CAST: variants seen among roughly 807,000 people sequenced by gnomAD.
CAST encodes MIR583 host.
Under a neutral mutation model 119.6 loss-of-function variants are expected in CAST, and 76 were observed. The ratio of observed to expected loss-of-function variants is 0.64; its 90% CI spans 0.53 to 0.77. The LOEUF (loss-of-function observed/expected upper bound fraction) is 0.77, where lower values mean the gene tolerates loss of function less well. Among genes scored for constraint, CAST ranks in the 30% least tolerant of loss-of-function variants. CAST has a pLI of 0.00. For missense variants in CAST, 953 were observed against 946.5 expected (o/e 1.01, Z -0.09); for synonymous variants, 319 against 331.6 (o/e 0.96, Z 0.41).
At chr5:96,226,680 A>G in the CAST span, among the ~76,000 whole-genome samples, 6,703 of 152,168 alleles carry the variant, frequency 0.044, 511 homozygotes, top group African/African-American at 0.15. Context: ...AAAAAAAATC[A>G]AATGTATTTT....
At chr5:96,482,090 T>C in the CAST span, among the ~76,000 whole-genome samples, 1 of 152,136 alleles carries the variant, frequency 6.6e-6, no homozygotes, top group Admixed American at 6.6e-5. Context: ...ACCCTTATGA[T>C]ATAATCTCTT....
At chr5:96,475,676 A>G in the CAST span, among the ~76,000 whole-genome samples, 2 of 152,204 alleles carry the variant, frequency 1.3e-5, no homozygotes, top group Non-Finnish European at 2.9e-5. Flanking sequence ...GTCCATGTGT[A>G]ACAAGCAGGG....
the CAST span, among the ~76,000 whole-genome samples, chr5:96,193,995 C>A: frequency 1.3e-5 from 2 of 151,958 alleles, no homozygotes; most frequent in Non-Finnish European, 2.9e-5. Flanking sequence ...GCAGGTTGAC[C>A]AATCATAGCT....
chr5:96,227,344 C>T, the CAST span, among the ~76,000 whole-genome samples: 2 of 152,198 alleles, frequency 1.3e-5, no homozygotes, highest in Non-Finnish European at 1.5e-5. Flanking sequence ...TAGCCTTTTA[C>T]ATCTTGAATT....
At chr5:96,533,297 C>A (rs1001367777) in intron 1 of CAST, among the ~76,000 whole-genome samples, 30 of 152,162 alleles carry the variant, frequency 2.0e-4, no homozygotes, top group Admixed American at 1.7e-3. Flanking sequence ...AACCTGGAAT[C>A]CTGAAAGCAA....
In CAST at chr5:96,635,643, CCTAT is replaced by C. The variant is rs1329831742; in HGVS notation, c.61-39892_61-39889del. Among the ~76,000 whole-genome samples, 5 of 152,196 alleles carry C rather than the reference CCTAT, an allele frequency of 3.3e-5. No homozygotes were observed. The East Asian group carries it at 5.8e-4, about 18-fold the overall frequency. ...TGTACTGAAGTATCTCTCATTGTGA[CCTAT>C]CTAAGCCCTGTGCATTTGTTCTGTC... On this transcript the variant is annotated intron_variant, in intron 1 of 11. Coordinates refer to the CAST transcript ENST00000505143.
chr5:96,573,249 G>A (rs1053594826), intron 1 of CAST, among the ~76,000 whole-genome samples: 10 of 152,034 alleles, frequency 6.6e-5, no homozygotes, highest in Non-Finnish European at 1.2e-4. Context: ...GAGCTTTAAG[G>A]CATCTTGAGT....
intron 2 of CAST, among the ~76,000 whole-genome samples, chr5:96,680,215 C>G (rs1370811444): frequency 6.6e-6 from 1 of 150,822 alleles, no homozygotes; most frequent in African/African-American, 2.4e-5. Flanking sequence ...CAGGCGTGGT[C>G]GTGGGTGTGG....
chr5:96,023,671 C>A, the CAST span, among the ~76,000 whole-genome samples: 1 of 151,738 alleles, frequency 6.6e-6, no homozygotes, highest in African/African-American at 2.4e-5. Context: ...TTATTCACTA[C>A]GTAAAAGCAT....
rs1760050355 is a variant in CAST, at chr5:96,729,680, C to G, written c.504C>G (p.Ser168=). The G allele has an allele frequency of 6.3e-7, 1 of 1,593,434 alleles. No individual in the cohort carries two copies. Among genetic ancestry groups the G allele is most frequent in the Non-Finnish European group, 8.6e-7 (1 of 1,161,390 alleles). Residue 168 remains serine, a synonymous_variant, in exon 8 of 32, where the codon TCC becomes TCG. Coordinates refer to ENST00000675179, the MANE Select transcript of CAST (RefSeq NM_001750.7). ...ATGCTCACAATAAAAAAGCAGTTTC[C>G]AGATCAGCTGAACAGCAGCCATCAG... ...SNDAHNKKAV[S]RSAEQQPSEK...
the CAST span, among the ~76,000 whole-genome samples, chr5:96,442,458 G>A: frequency 6.6e-6 from 1 of 152,190 alleles, no homozygotes; most frequent in Non-Finnish European, 1.5e-5. Context: ...GAAGCCCTAT[G>A]TTTCTAGGTT....
chr5:96,593,835 TG>T (rs1747006456), intron 1 of CAST, among the ~76,000 whole-genome samples: 1 of 152,230 alleles, frequency 6.6e-6, no homozygotes, highest in African/African-American at 2.4e-5. Flanking sequence ...CTGACCACAC[TG>T]GCACGCTGAT....
chr5:96,001,565 T>A, the CAST span, among the ~76,000 whole-genome samples: 1 of 152,210 alleles, frequency 6.6e-6, no homozygotes, highest in Non-Finnish European at 1.5e-5. Flanking sequence ...CACATAACAC[T>A]TGGGACTGTA....
At chr5:95,968,833 T>C in the CAST span, among the ~76,000 whole-genome samples, 1 of 152,176 alleles carries the variant, frequency 6.6e-6, no homozygotes, top group African/African-American at 2.4e-5. Flanking sequence ...ATGACCCTTA[T>C]AGGTTAGAAT....
the CAST span, among the ~76,000 whole-genome samples, chr5:96,319,256 C>A: frequency 5.3e-5 from 8 of 152,286 alleles, no homozygotes; most frequent in Admixed American, 2.6e-4. Context: ...AAGGAATCTG[C>A]CTCCGTGACC....
chr5:96,446,023 A>T, the CAST span, among the ~76,000 whole-genome samples: 342 of 152,018 alleles, frequency 2.2e-3, 3 homozygotes, highest in African/African-American at 8.0e-3. Context: ...AATTTTGTTT[A>T]TTTTTTGTAG....
intron 2 of CAST, among the ~76,000 whole-genome samples, chr5:96,685,519 T>A (rs1199069584): frequency 6.6e-6 from 1 of 152,216 alleles, no homozygotes; most frequent in Non-Finnish European, 1.5e-5. Context: ...GCTTGTACAT[T>A]ATAAAAATAG....
At chr5:96,199,135 G>A in the CAST span, among the ~76,000 whole-genome samples, 5 of 152,100 alleles carry the variant, frequency 3.3e-5, no homozygotes, top group African/African-American at 1.2e-4. Flanking sequence ...ATTTTCCCTT[G>A]AGTATAATAA....
At chr5:96,316,880 C>T in the CAST span, among the ~76,000 whole-genome samples, 1 of 152,142 alleles carries the variant, frequency 6.6e-6, no homozygotes, top group Admixed American at 6.5e-5. Context: ...TTTACTCTGG[C>T]TCTTCTCAAA....
Sources: allele counts gnomAD v4.1 joint callset (sites outside exome capture counted in the v4.1 genomes callset), GRCh38; gene constraint gnomAD v4.1.1; transcripts MANE v1.5; gene names NCBI Gene and HGNC (gene_info 2026-07-23, HGNC 2026-07-21).